CDH12: variants seen among roughly 807,000 people sequenced by gnomAD.
The protein encoded by CDH12 is cadherin 12, also known as cadherin-12.
CDH12 carries 41 observed loss-of-function variants against 74.1 expected under a neutral mutation model. The observed-to-expected ratio is 0.55, with a 90% CI of 0.43 to 0.72. The LOEUF (loss-of-function observed/expected upper bound fraction) is 0.72, where lower values mean the gene tolerates loss of function less well. CDH12 is among the 30% of genes least tolerant of loss of function. The probability of loss-of-function intolerance (pLI) is 0.00; values close to 1 mark genes in which losing one functional copy is unlikely to be tolerated. For synonymous variants in CDH12, 399 were observed against 355.0 expected (o/e 1.12, Z -1.39); for missense variants, 945 against 977.2 (o/e 0.97, Z 0.44).
chr5:22,063,728 A>G (rs1052850268), intron 5 of CDH12, among the ~76,000 whole-genome samples: 4 of 151,952 alleles, frequency 2.6e-5, no homozygotes, highest in Admixed American at 6.6e-5. Context: ...TAATGAGATT[A>G]ACATTTAAAT....
At chr5:22,018,546 G>A (rs993891514) in intron 5 of CDH12, among the ~76,000 whole-genome samples, 1 of 152,180 alleles carries the variant, frequency 6.6e-6, no homozygotes, top group Non-Finnish European at 1.5e-5. Flanking sequence ...ACAAGAACAT[G>A]CACAAATAGC....
chr5:22,422,684 ATATG>A (rs1249285928), intron 2 of CDH12, among the ~76,000 whole-genome samples: 2 of 152,174 alleles, frequency 1.3e-5, no homozygotes, highest in African/African-American at 2.4e-5. Context: ...TTAAATTCAA[ATATG>A]TGCCAAAAGC....
At chr5:22,008,691 C>T (rs1339426833) in intron 5 of CDH12, among the ~76,000 whole-genome samples, 1 of 152,120 alleles carries the variant, frequency 6.6e-6, no homozygotes, top group Non-Finnish European at 1.5e-5. Flanking sequence ...AGAACTTTAT[C>T]TGAGGGAATA....
rs981443316 is a variant in CDH12, at chr5:22,780,265, C to T, written c.-523+72793G>A. On this transcript the variant is annotated intron_variant, in intron 1 of 14. Transcript: ENST00000382254. ...TAATTAGTCGGTATGGTGGCACATG[C>T]CTGTATTCCTGGGTACTCAGAAGGC... 2.6e-5 allele frequency among the ~76,000 whole-genome samples: 4 copies of T among 152,052 alleles called. No individual in the cohort carries two copies. In the East Asian group the frequency reaches 7.7e-4, roughly 29 times the overall value.
intron 3 of CDH12, among the ~76,000 whole-genome samples, chr5:22,295,194 T>C (rs1280677445): frequency 6.6e-6 from 1 of 152,210 alleles, no homozygotes; most frequent in East Asian, 1.9e-4. Flanking sequence ...GCCTGTTTAC[T>C]TCATCTGGTG....
intron 6 of CDH12, among the ~76,000 whole-genome samples, chr5:21,868,119 C>A (rs1254336787): frequency 6.6e-6 from 1 of 151,840 alleles, no homozygotes; most frequent in Non-Finnish European, 1.5e-5. Context: ...GATTGTGAGG[C>A]CTCCCCAGCC....
At chr5:21,817,863 C>T (rs913288982) in intron 8 of CDH12, among the ~76,000 whole-genome samples, 14 of 151,762 alleles carry the variant, frequency 9.2e-5, no homozygotes, top group African/African-American at 3.1e-4. Context: ...CCAGGTGGAG[C>T]GTTTATATTA....
intron 3 of CDH12, among the ~76,000 whole-genome samples, chr5:22,293,589 T>C (rs1737495899): frequency 1.3e-5 from 2 of 151,978 alleles, no homozygotes; most frequent in African/African-American, 4.8e-5. Flanking sequence ...AATGGATGAA[T>C]GAATAAAGAA....
chr5:21,923,701 T>C (rs1178673573), intron 6 of CDH12, among the ~76,000 whole-genome samples: 2 of 152,168 alleles, frequency 1.3e-5, no homozygotes, highest in Non-Finnish European at 2.9e-5. Context: ...GATAATTCTA[T>C]TATTTTTAAT....
At chr5:22,585,152 T>C (rs1740319515) in intron 1 of CDH12, among the ~76,000 whole-genome samples, 1 of 152,204 alleles carries the variant, frequency 6.6e-6, no homozygotes, top group African/African-American at 2.4e-5. Flanking sequence ...AGTAACGTTG[T>C]TTTTGAAAGA....
At chr5:22,095,815 T>C (rs1257167745) in intron 4 of CDH12, among the ~76,000 whole-genome samples, 5 of 151,440 alleles carry the variant, frequency 3.3e-5, no homozygotes, top group Non-Finnish European at 5.9e-5. Context: ...CTCTGATCCC[T>C]TACTTCCATG....
intron 1 of CDH12, among the ~76,000 whole-genome samples, chr5:22,753,921 C>A (rs554203152): frequency 9.3e-4 from 141 of 152,170 alleles, no homozygotes; most frequent in African/African-American, 2.8e-3. Context: ...AATTATTATG[C>A]CTATTCCTTC....
At chr5:22,370,687 G>C (rs1162487219) in intron 3 of CDH12, among the ~76,000 whole-genome samples, 1 of 152,082 alleles carries the variant, frequency 6.6e-6, no homozygotes, top group Non-Finnish European at 1.5e-5. Flanking sequence ...AGAATCAAAG[G>C]AGAGATGAAA....
chr5:22,264,203 G>T (rs948188745), intron 3 of CDH12, among the ~76,000 whole-genome samples: 32 of 151,316 alleles, frequency 2.1e-4, no homozygotes, highest in African/African-American at 4.6e-4. Context: ...TTTGATTGTG[G>T]TTTTTTTTAC....
At chr5:22,688,289 G>T (rs1741915456) in intron 1 of CDH12, among the ~76,000 whole-genome samples, 1 of 152,090 alleles carries the variant, frequency 6.6e-6, no homozygotes, top group Non-Finnish European at 1.5e-5. Context: ...GAATAAAATC[G>T]TTATTTGCCA....
At chr5:22,053,791 A>G (rs1466442488) in intron 5 of CDH12, among the ~76,000 whole-genome samples, 1 of 152,072 alleles carries the variant, frequency 6.6e-6, no homozygotes, top group Non-Finnish European at 1.5e-5. Context: ...CTCTTACCCT[A>G]CCTTTAACGG....
intron 3 of CDH12, among the ~76,000 whole-genome samples, chr5:22,304,815 G>C (rs1423043427): frequency 6.6e-6 from 1 of 152,124 alleles, no homozygotes; most frequent in African/African-American, 2.4e-5. Flanking sequence ...AGGCAATTGG[G>C]ACACCTTGTC....
intron 1 of CDH12, among the ~76,000 whole-genome samples, chr5:22,723,765 A>C (rs1045009113): frequency 2.0e-5 from 3 of 152,064 alleles, no homozygotes; most frequent in Non-Finnish European, 4.4e-5. Context: ...GAGGTAACTT[A>C]ATATTTAACT....
chr5:21,793,294 T>A (rs1426817670), intron 10 of CDH12, among the ~76,000 whole-genome samples: 2 of 151,782 alleles, frequency 1.3e-5, no homozygotes, highest in Non-Finnish European at 3.0e-5. Context: ...GCAAACAAAC[T>A]ATTTTGTTTT....
Sources: gnomAD v4.1 joint callset for allele counts (sites outside exome capture counted in the v4.1 genomes callset) on GRCh38, gnomAD v4.1.1 for gene constraint, MANE v1.5 for transcripts, NCBI Gene and HGNC (gene_info 2026-07-23, HGNC 2026-07-21) for gene names.